The following CAMK2D variants were observed in gnomAD, a reference collection of about 807,000 sequenced individuals.
CAMK2D encodes calcium/calmodulin dependent protein kinase II delta.
Under a neutral mutation model 84.0 loss-of-function variants are expected in CAMK2D, and 37 were observed. The observed-to-expected ratio is 0.44, with a 90% confidence interval of 0.34 to 0.58. CAMK2D has a LOEUF of 0.58. Ranked by LOEUF, CAMK2D falls within the 20% of genes least tolerant of loss-of-function variation. CAMK2D has a pLI of 0.02. For missense variants in CAMK2D, 448 were observed against 652.5 expected (o/e 0.69, Z 3.41); for synonymous variants, 202 against 212.5 (o/e 0.95, Z 0.43).
rs867732742 is a variant in CAMK2D, at chr4:113,709,768, T to C, written c.161-47996A>G. Among the ~76,000 whole-genome samples the C allele has an allele frequency of 3.5e-3, 425 of 121,772 alleles. 48 individuals are homozygous for C. Among genetic ancestry groups the C allele is most frequent in the African/African-American group, 0.014 (408 of 29,322 alleles). 79.9% of individuals were successfully genotyped at this position (121,772 alleles called of 152,430 possible). A position where few individuals can be genotyped will look rare whatever the true frequency, so the allele number is the denominator to read the frequency against. On this transcript the variant is annotated intron_variant, in intron 2 of 20. Coordinates refer to ENST00000511664, the MANE Select transcript of CAMK2D (RefSeq NM_001321571.2). Reference sequence around the variant, plus strand: ...AACGATATATATATATATATATATATATATATATATATATGAGAGACTTCA... The same window carrying C: ...AACGATATATATATATATATATATACATATATATATATATGAGAGACTTCA...
At chr4:113,464,155 C>G (rs901390572) in intron 17 of CAMK2D, among the ~76,000 whole-genome samples, 1 of 152,204 alleles carries the variant, frequency 6.6e-6, no homozygotes, top group African/African-American at 2.4e-5. Flanking sequence ...TGGCTATCAG[C>G]AGAATTTACA....
At chr4:113,485,393 C>G (rs1416754290) in intron 16 of CAMK2D, among the ~76,000 whole-genome samples, 1 of 152,198 alleles carries the variant, frequency 6.6e-6, no homozygotes, top group African/African-American at 2.4e-5. Flanking sequence ...GAAAGAGTAA[C>G]TTACTAAATA....
chr4:113,599,729 T>C lies in CAMK2D; in HGVS notation c.275+9423A>G, dbSNP rs189206306. On this transcript the variant is annotated intron_variant, in intron 4 of 20. Coordinates refer to ENST00000511664, the MANE Select transcript of CAMK2D (RefSeq NM_001321571.2). ...TATTTTGTATGTTACGTGTATTATA[T>C]ACTGTATTCTTAAAATAAAGTAAGT... 1.3e-3 allele frequency among the ~76,000 whole-genome samples: 204 copies of C among 152,324 alleles called. 1 individual carries two copies. The highest frequency in any genetic ancestry group is 3.4e-3 in the Middle Eastern group (1 of 294).
Position 113,761,099 on chromosome 4 carries a change from C to T in CAMK2D, c.-31G>A. On this transcript the variant is annotated 5_prime_UTR_variant, in exon 1 of 21. Coordinates refer to ENST00000511664, the MANE Select transcript of CAMK2D (RefSeq NM_001321571.2). The stretch of plus-strand genomic sequence containing the variant: ...GTCCGGGCTGTGCCCTGGCTGGGAG[C>T]GCGACGGACCAGAAGCGAGCAGACG... 6.2e-7 allele frequency: 1 copy of T among 1,613,458 alleles called. No individual in the cohort carries two copies. The highest frequency in any genetic ancestry group is 8.5e-7 in the Non-Finnish European group (1 of 1,179,960).
At chr4:113,716,461 C>T (rs991438426) in intron 2 of CAMK2D, among the ~76,000 whole-genome samples, 5 of 151,942 alleles carry the variant, frequency 3.3e-5, no homozygotes, top group Non-Finnish European at 7.4e-5. Flanking sequence ...ACCAGCCTCA[C>T]CAACATGGCA....
intron 2 of CAMK2D, among the ~76,000 whole-genome samples, chr4:113,708,724 T>C (rs892304541): frequency 2.0e-5 from 3 of 152,074 alleles, no homozygotes; most frequent in African/African-American, 7.2e-5. Context: ...TTTGTTGTTG[T>C]TGTTCTTTTT....
At chr4:113,571,319 C>T (rs1399437670) in intron 4 of CAMK2D, among the ~76,000 whole-genome samples, 4 of 152,046 alleles carry the variant, frequency 2.6e-5, no homozygotes, top group Non-Finnish European at 5.9e-5. Context: ...AAAATCAATA[C>T]GTTGAAGAGA....
chr4:113,743,482 C>G (rs940704510), intron 2 of CAMK2D, among the ~76,000 whole-genome samples: 2 of 152,162 alleles, frequency 1.3e-5, no homozygotes, highest in Non-Finnish European at 2.9e-5. Context: ...TCTACAGTCT[C>G]CAAAGACCAT....
At chr4:113,750,950 T>C (rs914964436) in intron 2 of CAMK2D, among the ~76,000 whole-genome samples, 5 of 152,016 alleles carry the variant, frequency 3.3e-5, no homozygotes, top group Admixed American at 2.6e-4. Flanking sequence ...AGCCCAGGCA[T>C]TGGAGGCTGC....
At chr4:113,739,056 T>A (rs767819423) in intron 2 of CAMK2D, among the ~76,000 whole-genome samples, 5 of 152,160 alleles carry the variant, frequency 3.3e-5, no homozygotes, top group Non-Finnish European at 7.4e-5. Context: ...AGAACCACAG[T>A]GTAAATGGAA....
At chr4:113,570,931 A>C (rs1467852324) in intron 4 of CAMK2D, among the ~76,000 whole-genome samples, 2 of 152,214 alleles carry the variant, frequency 1.3e-5, no homozygotes, top group Non-Finnish European at 2.9e-5. Flanking sequence ...ATATATAAGA[A>C]ACAAACAACT....
intron 2 of CAMK2D, among the ~76,000 whole-genome samples, chr4:113,694,466 G>A (rs2099397100): frequency 6.6e-6 from 1 of 152,126 alleles, no homozygotes; most frequent in Non-Finnish European, 1.5e-5. Context: ...CTATCTCTAT[G>A]AATGAAAAAG....
chr4:113,730,306 T>C (rs907757884), intron 2 of CAMK2D, among the ~76,000 whole-genome samples: 9 of 152,362 alleles, frequency 5.9e-5, no homozygotes, highest in African/African-American at 1.9e-4. Flanking sequence ...CTTGTTTTCA[T>C]GTCTTGTGTT....
intron 16 of CAMK2D, among the ~76,000 whole-genome samples, chr4:113,497,771 G>T (rs113758864): frequency 6.6e-6 from 1 of 152,190 alleles, no homozygotes; most frequent in East Asian, 1.9e-4. Context: ...GGTATTCAAG[G>T]AATCATATAC....
chr4:113,479,148 C>T (rs891400336), intron 16 of CAMK2D, among the ~76,000 whole-genome samples: 5 of 152,106 alleles, frequency 3.3e-5, no homozygotes, highest in South Asian at 2.1e-4. Flanking sequence ...AACACTGAAC[C>T]GGGTAATCAC....
intron 2 of CAMK2D, among the ~76,000 whole-genome samples, chr4:113,678,729 G>A (rs185108532): frequency 7.9e-5 from 12 of 152,174 alleles, no homozygotes; most frequent in African/African-American, 2.6e-4. Context: ...AACTAGCTGT[G>A]GTTCTGTGAT....
chr4:113,626,890 G>A (rs187449637), intron 3 of CAMK2D, among the ~76,000 whole-genome samples: 134 of 152,184 alleles, frequency 8.8e-4, no homozygotes, highest in African/African-American at 2.9e-3. Flanking sequence ...ATTTAATTTC[G>A]CGGTATGATG....
rs1028861948 is a variant in CAMK2D, at chr4:113,668,053, G to A, written c.161-6281C>T. Among the ~76,000 whole-genome samples the A allele has an allele frequency of 3.9e-5, 6 of 151,990 alleles. 1 individual carries two copies. In the South Asian group the frequency reaches 6.2e-4, roughly 16 times the overall value. ...AAATGTAGATTATGAATTATGATGT[G>A]AGTCCAACCTTGATTCTATATGGCC... On this transcript the variant is annotated intron_variant, in intron 2 of 20. Coordinates refer to ENST00000511664, the MANE Select transcript of CAMK2D (RefSeq NM_001321571.2).
rs112165342 is a variant in CAMK2D, at chr4:113,638,681, T to A, written c.220+23032A>T. On this transcript the variant is annotated intron_variant, in intron 3 of 20. Transcript: ENST00000511664. ...TGCGAACTCATTAGGGCTATGCTCC[T>A]ACTCAGCTTTTGTGCAAGCAACTCT... 5.0e-3 allele frequency among the ~76,000 whole-genome samples: 759 copies of A among 152,264 alleles called. 7 individuals are homozygous for A. Among genetic ancestry groups the A allele is most frequent in the African/African-American group, 0.016 (670 of 41,554 alleles).
Sources: gnomAD v4.1 joint callset for allele counts (sites outside exome capture counted in the v4.1 genomes callset) on GRCh38, gnomAD v4.1.1 for gene constraint, MANE v1.5 for transcripts, NCBI Gene and HGNC (gene_info 2026-07-23, HGNC 2026-07-21) for gene names.